CFH: variants seen among roughly 807,000 people sequenced by gnomAD.
CFH encodes complement factor H, also known as H factor 1 (complement).
CFH carries 53 observed loss-of-function variants against 147.3 expected under a neutral mutation model. That is an observed-to-expected ratio of 0.36 (90% confidence interval 0.29 to 0.45). The LOEUF is 0.45. Among genes scored for constraint, CFH ranks in the 20% least tolerant of loss-of-function variants. The pLI, the probability that CFH is intolerant of heterozygous loss-of-function variation, is 1.00. For missense variants in CFH, 1,380 were observed against 1,498.0 expected, an observed-to-expected ratio of 0.92 and a Z score of 1.30; for synonymous variants, 536 against 489.4, an observed-to-expected ratio of 1.10 and a Z score of -1.26.
chr1:196,731,984 A>T (rs1336037148), intron 15 of CFH, among the ~76,000 whole-genome samples: 1 of 151,718 alleles, frequency 6.6e-6, no homozygotes, highest in Non-Finnish European at 1.5e-5. Context: ...CATTAAACTT[A>T]TTTGATTTCC....
intron 10 of CFH, among the ~76,000 whole-genome samples, chr1:196,715,170 C>T (rs1301445754): frequency 1.3e-5 from 2 of 151,694 alleles, no homozygotes. Flanking sequence ...TCTTGTATAA[C>T]ATAGGAATTT....
intron 9 of CFH, among the ~76,000 whole-genome samples, chr1:196,712,856 A>G (rs1008874050): frequency 2.8e-5 from 4 of 143,680 alleles, no homozygotes; most frequent in African/African-American, 1.0e-4. Context: ...TATGAGTGAG[A>G]ACATGTGGTG....
intron 1 of CFH, among the ~76,000 whole-genome samples, chr1:196,665,975 C>T (rs1387016121): frequency 2.0e-5 from 3 of 152,198 alleles, no homozygotes; most frequent in East Asian, 1.9e-4. Context: ...TTACACAGTA[C>T]GATAGACTTA....
intron 11 of CFH, among the ~76,000 whole-genome samples, chr1:196,719,032 A>G (rs1668937247): frequency 6.6e-6 from 1 of 152,230 alleles, no homozygotes; most frequent in Middle Eastern, 3.4e-3. Context: ...AGGTTTCCAC[A>G]GAATTGTTAT....
At chr1:196,691,919 T>C (rs1668037838) in intron 9 of CFH, among the ~76,000 whole-genome samples, 2 of 152,080 alleles carry the variant, frequency 1.3e-5, no homozygotes, top group South Asian at 4.1e-4. Flanking sequence ...TTATTCATGA[T>C]AATGGCTGTA....
chr1:196,655,189 C>T (rs1237374051), intron 1 of CFH, among the ~76,000 whole-genome samples: 7 of 151,150 alleles, frequency 4.6e-5, no homozygotes, highest in Non-Finnish European at 7.4e-5. Flanking sequence ...TTTCAGTGGG[C>T]GGGGGAGGGT....
intron 3 of CFH, 143 bp from the exon 4 acceptor site, chr1:196,675,846 C>CAAACAAG (rs773280333): frequency 9.2e-6 from 5 of 541,226 alleles, no homozygotes; most frequent in East Asian, 3.1e-5. Flanking sequence ...GAAGGAAAAA[C>CAAACAAG]AAACAAGAAA....
Position 196,744,182 on chromosome 1 carries a change from T to TC in CFH, c.3310+554_3310+555insC, listed in dbSNP as rs562200765. The stretch of plus-strand genomic sequence containing the variant: ...AAATTAATGTTTTTCTGTATTTTTT[T>TC]TTTCACTATTTTACTTAGACTCTAC... On this transcript the variant is annotated intron_variant, in intron 20 of 21. Transcript: ENST00000367429. Among the ~76,000 whole-genome samples, 99 of 152,216 alleles carry TC rather than the reference T, an allele frequency of 6.5e-4. 1 individual carries two copies. In the East Asian group the frequency reaches 0.011, roughly 16 times the overall value.
chr1:196,657,700 AT>A lies in CFH; in HGVS notation c.58+5532del, dbSNP rs1409237124. Among the ~76,000 whole-genome samples, 17 of 152,258 alleles carry A rather than the reference AT, an allele frequency of 1.1e-4. No individual in the cohort carries two copies. In the East Asian group the frequency reaches 3.3e-3, roughly 29 times the overall value. Reference sequence around the variant, plus strand: ...TATTTCTGTTTTGTTCATTTGCTTTATTTTTTTCCAAATTGATTTTGTAACT... The same window carrying A: ...TATTTCTGTTTTGTTCATTTGCTTTATTTTTTCCAAATTGATTTTGTAACT... On this transcript the variant is annotated intron_variant, in intron 1 of 21. Coordinates refer to ENST00000367429, the MANE Select transcript of CFH (RefSeq NM_000186.4).
intron 18 of CFH, chr1:196,741,403 G>A (rs1652805680): frequency 5.6e-6 from 1 of 179,408 alleles, no homozygotes. Flanking sequence ...AGTGAAGGAG[G>A]AACTTCTAAA....
chr1:196,679,890 C>T, intron 6 of CFH, 97 bp downstream of exon 6: 1 of 1,090,272 alleles, frequency 9.2e-7, no homozygotes, highest in East Asian at 2.6e-5. Context: ...AAGTAGAGTG[C>T]TAATTTATGT....
At chr1:196,669,182 G>A (rs1476060292) in intron 1 of CFH, among the ~76,000 whole-genome samples, 1 of 152,146 alleles carries the variant, frequency 6.6e-6, no homozygotes, top group Non-Finnish European at 1.5e-5. Context: ...TTTGAACTTT[G>A]AGAAAGTTGG....
At chr1:196,681,436 T>C (rs1360338165) in intron 6 of CFH, among the ~76,000 whole-genome samples, 1 of 151,088 alleles carries the variant, frequency 6.6e-6, no homozygotes, top group African/African-American at 2.4e-5. Context: ...TATTACTGCA[T>C]TTCTATTCTT....
Position 196,740,625 on chromosome 1 carries a change from C to G in CFH, c.2789C>G (p.Pro930Arg). 1 of 1,612,078 alleles carries G rather than the reference C, an allele frequency of 6.2e-7. No individual in the cohort carries two copies. The highest frequency in any genetic ancestry group is 8.5e-7 in the Non-Finnish European group (1 of 1,179,402). The part of the protein sequence containing the change: ...WSSPPQCEGL[P>R]CKSPPEISHG... ...TTCATTCTTTTTTTTTTAGGCCTTC[C>G]TTGTAAATCTCCACCTGAGATTTCT... The change falls in exon 18 of 22, where the codon CCT (proline) becomes CGT (arginine). Residue 930 changes from proline (P) to arginine (R), a missense_variant. By Grantham distance (103) the Pro-to-Arg change is moderately radical. Around this residue, in one of 4 missense-constraint regions of CFH, gnomAD observed 830 missense variants for 821.4 expected, o/e 1.01. Transcript: ENST00000367429.
chr1:196,694,761 T>G (rs1668193008), intron 9 of CFH, among the ~76,000 whole-genome samples: 1 of 152,232 alleles, frequency 6.6e-6, no homozygotes, highest in Non-Finnish European at 1.5e-5. Context: ...CCAGTGACAA[T>G]AAGCTTGTTT....
intron 17 of CFH, 93 bp downstream of exon 17, chr1:196,737,753 T>G: frequency 1.1e-6 from 1 of 922,424 alleles, no homozygotes. Flanking sequence ...TTGAGATTAC[T>G]GCATATATAA....
At chr1:196,669,338 C>T (rs558435959) in intron 1 of CFH, among the ~76,000 whole-genome samples, 4 of 152,260 alleles carry the variant, frequency 2.6e-5, no homozygotes, top group African/African-American at 9.6e-5. Flanking sequence ...GAATGAGGAG[C>T]CAAATGTTAA....
chr1:196,722,393 A>C (rs1159552185), intron 11 of CFH, among the ~76,000 whole-genome samples: 1 of 152,122 alleles, frequency 6.6e-6, no homozygotes, highest in East Asian at 1.9e-4. Context: ...ATCTTTCTTT[A>C]AGAACCCTGA....
chr1:196,660,281 C>A (rs1157009746), intron 1 of CFH, among the ~76,000 whole-genome samples: 2 of 152,158 alleles, frequency 1.3e-5, no homozygotes, highest in Non-Finnish European at 2.9e-5. Flanking sequence ...ACAAATAAAT[C>A]AGCGTGACTT....
Sources: allele counts gnomAD v4.1 joint callset (sites outside exome capture counted in the v4.1 genomes callset), GRCh38; gene constraint gnomAD v4.1.1; regional missense constraint gnomAD v4.1.1; transcripts MANE v1.5; gene names NCBI Gene and HGNC (gene_info 2026-07-23, HGNC 2026-07-21).